Variants in TMCO4 observed in about 807,000 individuals in gnomAD.
TMCO4 encodes the protein transmembrane and coiled-coil domain-containing protein 4.
Under a neutral mutation model 64.7 loss-of-function variants are expected in TMCO4, and 58 were observed. The observed-to-expected ratio is 0.90, with a 90% CI of 0.73 to 1.12. TMCO4 has a LOEUF of 1.12. TMCO4 is among the 50% of genes most tolerant of loss of function. The probability of loss-of-function intolerance (pLI) is 0.00; values close to 1 mark genes in which losing one functional copy is unlikely to be tolerated. For synonymous variants in TMCO4, 325 were observed against 346.1 expected, an observed-to-expected ratio of 0.94 and a Z score of 0.68; for missense variants, 780 against 825.9, an observed-to-expected ratio of 0.94 and a Z score of 0.68.
In TMCO4 at chr1:19,683,134, C is replaced by A. The variant is rs1361896287; in HGVS notation, c.1811G>T (p.Arg604Met). 3 of 1,613,828 alleles carry A rather than the reference C, an allele frequency of 1.9e-6. No individual in the cohort carries two copies. Among genetic ancestry groups the A allele is most frequent in the Non-Finnish European group, 2.5e-6 (3 of 1,179,868 alleles). ...CATGCCATGGCTGCAGATGGGGGGC[C>A]TTTCAGGGCTGGCAGCAGCAGGAAG... ...ASLPAAASPERPPICSHGMDP... is the reference protein window; with the variant it reads ...ASLPAAASPEMPPICSHGMDP... Residue 604 changes from arginine (R) to methionine (M), a missense_variant, in exon 16 of 16, where the codon AGG (arginine) becomes ATG (methionine). By Grantham distance (91) the Arg-to-Met change is moderately conservative (BLOSUM62 -1). Transcript: ENST00000294543.
intron 7 of TMCO4, among the ~76,000 whole-genome samples, chr1:19,747,725 T>C (rs560040094): frequency 6.6e-6 from 1 of 152,188 alleles, no homozygotes; most frequent in Non-Finnish European, 1.5e-5. Context: ...ATGGGAGACC[T>C]TGGCCTTGGA....
chr1:19,714,747 AC>A lies in TMCO4; in HGVS notation c.1265-13863del, dbSNP rs1374015300. The stretch of plus-strand genomic sequence containing the variant: ...GGACCAGCCTGACCAACATGGTGAA[AC>A]CCCGTCTCTATTAAAAATACAAAAA... On this transcript the variant is annotated intron_variant, in intron 13 of 15. Coordinates refer to ENST00000294543, the MANE Select transcript of TMCO4 (RefSeq NM_181719.7). Among the ~76,000 whole-genome samples the A allele has an allele frequency of 6.6e-5, 10 of 152,008 alleles. No homozygotes were observed. The East Asian group carries it at 1.9e-3, about 29-fold the overall frequency.
chr1:19,692,087 G>A (rs970305143), intron 15 of TMCO4, among the ~76,000 whole-genome samples: 7 of 152,130 alleles, frequency 4.6e-5, no homozygotes, highest in African/African-American at 1.4e-4. Context: ...TATCAGCAGC[G>A]TGAAAATGGA....
intron 15 of TMCO4, among the ~76,000 whole-genome samples, chr1:19,684,066 T>A (rs1268697603): frequency 7.3e-6 from 1 of 136,538 alleles, no homozygotes; most frequent in African/African-American, 2.6e-5. Flanking sequence ...CCGGCAGCTT[T>A]TTTTTTTTTT....
At position 19,687,993 on chromosome 1, in the gene TMCO4, C is replaced by T. The variant is rs546589466; in HGVS notation, c.1501-4549G>A. On this transcript the variant is annotated intron_variant, in intron 15 of 15. Transcript: ENST00000294543. Reference sequence around the variant, plus strand: ...ATGAGAGAAGAGGGGTGAGGCAGGTCGGGAAAGAGCCTCTTCTCAGCACCA... The same window carrying T: ...ATGAGAGAAGAGGGGTGAGGCAGGTTGGGAAAGAGCCTCTTCTCAGCACCA... 1.9e-3 allele frequency among the ~76,000 whole-genome samples: 282 copies of T among 152,184 alleles called. 2 individuals are homozygous for T. Among genetic ancestry groups the T allele is most frequent in the African/African-American group, 6.6e-3 (272 of 41,518 alleles).
At chr1:19,716,959 G>C (rs1411523460) in intron 13 of TMCO4, among the ~76,000 whole-genome samples, 3 of 152,176 alleles carry the variant, frequency 2.0e-5, no homozygotes, top group Non-Finnish European at 4.4e-5. Context: ...GGCCGAGGTG[G>C]GTGGATCACC....
intron 14 of TMCO4, among the ~76,000 whole-genome samples, chr1:19,698,967 C>T (rs144247175): frequency 0.034 from 5,227 of 152,218 alleles, 239 homozygotes; most frequent in African/African-American, 0.11. Flanking sequence ...GAGGCTGAGA[C>T]GGGTGGATCA....
In TMCO4 at chr1:19,737,456, C is replaced by A; in HGVS notation, c.1180G>T (p.Gly394Trp). The change falls in exon 13 of 16, where the codon GGG (glycine) becomes TGG (tryptophan). Residue 394 changes from glycine (G) to tryptophan (W), a missense_variant and splice_region_variant. Physicochemically the swap from Gly to Trp is radical, Grantham distance 184 (BLOSUM62 -2). Coordinates refer to ENST00000294543, the MANE Select transcript of TMCO4 (RefSeq NM_181719.7). Reference sequence around the variant, plus strand: ...CCAATCAAGGTGACAGGTCGTCGCCCCTGAAGGGAAAAAGGACACAGGTGT... The same window carrying A: ...CCAATCAAGGTGACAGGTCGTCGCCACTGAAGGGAAAAAGGACACAGGTGT... ...LAHILLSRQQ[G>W]RRPVTLIGFS... is the part of the protein sequence containing the mutation. The A allele has an allele frequency of 1.2e-6, 2 of 1,613,764 alleles. No homozygotes were observed. Among genetic ancestry groups the A allele is most frequent in the Admixed American group, 3.3e-5 (2 of 60,012 alleles).
chr1:19,774,039 T>C (rs1230608979), intron 4 of TMCO4, among the ~76,000 whole-genome samples: 1 of 152,182 alleles, frequency 6.6e-6, no homozygotes, highest in East Asian at 1.9e-4. Flanking sequence ...TTAAATGGCA[T>C]GGTAACACTG....
chr1:19,792,759 AGG>A (rs1290380764), intron 2 of TMCO4, among the ~76,000 whole-genome samples: 11 of 133,122 alleles, frequency 8.3e-5, no homozygotes, highest in African/African-American at 2.8e-4. Context: ...GTGAAGGTCA[AGG>A]TCAATTTTTT....
intron 6 of TMCO4, among the ~76,000 whole-genome samples, chr1:19,768,239 C>T (rs537019219): frequency 2.6e-5 from 4 of 152,284 alleles, no homozygotes; most frequent in Admixed American, 6.5e-5. Context: ...ATGCCTGCCG[C>T]GCAGCTAGGA....
In TMCO4 at chr1:19,734,390, G is replaced by C. The variant is rs2095443824; in HGVS notation, c.1264+2982C>G. On this transcript the variant is annotated intron_variant, in intron 13 of 15. Transcript: ENST00000294543. The surrounding 1 kb of genome is among the most constrained non-coding windows in gnomAD (Gnocchi z 4.4). Reference sequence around the variant, plus strand: ...TATGAATGTGTGCAGGTGTGTGTGTGAGTGTGCATATGTGCGCATGTGTGT... The same window carrying C: ...TATGAATGTGTGCAGGTGTGTGTGTCAGTGTGCATATGTGCGCATGTGTGT... 6.6e-6 allele frequency among the ~76,000 whole-genome samples: 1 copy of C among 152,162 alleles called. No homozygotes were observed. Among genetic ancestry groups the C allele is most frequent in the African/African-American group, 2.4e-5 (1 of 41,422 alleles).
chr1:19,770,732 G>C (rs2042943729), intron 5 of TMCO4, among the ~76,000 whole-genome samples, 163 bp from the exon 6 acceptor site: 1 of 152,222 alleles, frequency 6.6e-6, no homozygotes, highest in Admixed American at 6.5e-5. Context: ...AGCGAAGAAA[G>C]AAATACATGA....
intron 13 of TMCO4, among the ~76,000 whole-genome samples, chr1:19,713,498 T>C (rs1364433284): frequency 6.6e-6 from 1 of 152,018 alleles, no homozygotes; most frequent in Non-Finnish European, 1.5e-5. Context: ...TAAGGCAGGA[T>C]CCACATAAAG....
In TMCO4 at chr1:19,692,575, CAAA is replaced by C. The variant is rs532713684; in HGVS notation, c.1500+1856_1500+1858del. Among the ~76,000 whole-genome samples the C allele has an allele frequency of 6.1e-4, 39 of 63,948 alleles. 1 individual carries two copies. The highest frequency in any genetic ancestry group is 1.5e-3 in the African/African-American group (38 of 25,290). The allele number at this position is 63,948 out of a possible 152,430, so 42.0% of individuals were successfully genotyped here. On this transcript the variant is annotated intron_variant, in intron 15 of 15. Coordinates refer to ENST00000294543, the MANE Select transcript of TMCO4 (RefSeq NM_181719.7). Reference sequence around the variant, plus strand: ...CGAAACCATATCTCTATTAAAAATACAAAAAAAAAAAAAAAAAAAGAATTAGAT... The same window carrying C: ...CGAAACCATATCTCTATTAAAAATACAAAAAAAAAAAAAAAAGAATTAGAT...
intron 2 of TMCO4, among the ~76,000 whole-genome samples, chr1:19,792,209 C>T (rs1039464786): frequency 6.6e-6 from 1 of 152,130 alleles, no homozygotes; most frequent in South Asian, 2.1e-4. Context: ...CAAGAAAGAC[C>T]CATACTTAAC....
Position 19,739,916 on chromosome 1 carries a change from C to T in TMCO4, c.1087G>A (p.Ala363Thr), listed in dbSNP as rs759192879. 1.7e-5 allele frequency: 28 copies of T among 1,613,752 alleles called. No homozygotes were observed. The highest frequency in any genetic ancestry group is 2.2e-5 in the East Asian group (1 of 44,876). The change falls in exon 12 of 16, where the codon GCC becomes ACC. Residue 363 changes from alanine to threonine, a missense_variant. Ala to Thr is a moderately conservative substitution (Grantham distance 58, BLOSUM62 0). Transcript: ENST00000294543. ...LTWPASLLSV[A>T]NVIDNPWGVC... ...CCCCAGGGGTTGTCGATGACATTGG[C>T]GACACTGAGGAGTGAGGCTGGCCAG...
rs1245956200 is a variant in TMCO4 at position 19,771,350 on chromosome 1, C to T, written c.312G>A (p.Leu104=). 1.2e-6 allele frequency: 2 copies of T among 1,614,188 alleles called. No homozygotes were observed. The highest frequency in any genetic ancestry group is 3.3e-5 in the Admixed American group (2 of 60,024). The change falls in exon 5 of 16, where the codon CTG becomes CTA. Residue 104 remains leucine (L), a synonymous_variant. Coordinates refer to ENST00000294543, the MANE Select transcript of TMCO4 (RefSeq NM_181719.7). ...GGTCGTCCTTCAAGATGGGGTCCTT[C>T]AGTAAAATTTGAACAAACACATCTG... ...EGADVFVQIL[L]KDPILKDDPT... is the part of the protein sequence containing the mutation.
intron 7 of TMCO4, 23 bp downstream of exon 7, chr1:19,755,611 T>C (rs1343368973): frequency 6.2e-7 from 1 of 1,613,030 alleles, no homozygotes; most frequent in Non-Finnish European, 8.5e-7. Context: ...TGGATCCTGA[T>C]GGGGGTCGCG....
Sources: gnomAD v4.1 joint callset for allele counts (sites outside exome capture counted in the v4.1 genomes callset) on GRCh38, gnomAD v4.1.1 for gene constraint, Gnocchi (gnomAD v3.1) non-coding constraint, MANE v1.5 for transcripts, NCBI Gene and HGNC (gene_info 2026-07-23, HGNC 2026-07-21) for gene names.